Variants in GRM4 observed in about 807,000 individuals in gnomAD.
The protein encoded by GRM4 is glutamate metabotropic receptor 4, also known as metabotropic glutamate receptor 4.
Under a neutral mutation model 81.7 loss-of-function variants are expected in GRM4, and 28 were observed. The ratio of observed to expected loss-of-function variants is 0.34; its 90% CI spans 0.25 to 0.47. The LOEUF (loss-of-function observed/expected upper bound fraction) is 0.47. GRM4 is among the 20% of genes least tolerant of loss of function. The pLI is 1.00. For missense variants in GRM4, 948 were observed against 1,290.0 expected, an observed-to-expected ratio of 0.73 and a Z score of 4.06; for synonymous variants, 488 against 528.8, an observed-to-expected ratio of 0.92 and a Z score of 1.06.
intron 6 of GRM4, among the ~76,000 whole-genome samples, chr6:34,044,939 CACAT>C (rs1429505875): frequency 5.3e-5 from 8 of 151,562 alleles, no homozygotes; most frequent in African/African-American, 2.0e-4. Context: ...GACACACACA[CACAT>C]AGACATACAT....
intron 2 of GRM4, among the ~76,000 whole-genome samples, chr6:34,105,199 T>C (rs1005691606): frequency 6.6e-6 from 1 of 152,128 alleles, no homozygotes; most frequent in African/African-American, 2.4e-5. Flanking sequence ...TTCCACATAA[T>C]TTATATCACA....
intron 10 of GRM4, chr6:34,024,800 A>T (rs1764052396): frequency 2.2e-6 from 1 of 454,666 alleles, no homozygotes; most frequent in South Asian, 1.5e-5. Flanking sequence ...TGCTACCTGG[A>T]CAGGTGCCAA....
intron 6 of GRM4, among the ~76,000 whole-genome samples, chr6:34,041,348 C>T (rs1188815516): frequency 6.6e-6 from 1 of 152,194 alleles, no homozygotes; most frequent in Non-Finnish European, 1.5e-5. Flanking sequence ...TCACCATTGC[C>T]CCATCCATCC....
intron 1 of GRM4, among the ~76,000 whole-genome samples, chr6:34,135,232 A>G (rs1024084535): frequency 6.6e-6 from 1 of 152,094 alleles, no homozygotes; most frequent in African/African-American, 2.4e-5. Flanking sequence ...TGACTGCTCC[A>G]GTTCTGGGCC....
Position 34,078,306 on chromosome 6 carries a change from G to C in GRM4, c.736+13577C>G, listed in dbSNP as rs371815765. Among the ~76,000 whole-genome samples the C allele has an allele frequency of 6.6e-6, 1 of 151,786 alleles. No homozygotes were observed. The highest frequency in any genetic ancestry group is 1.5e-5 in the Non-Finnish European group (1 of 67,980). On this transcript the variant is annotated intron_variant, in intron 3 of 10. Transcript: ENST00000538487. This position sits in a 1 kb window ranked among gnomAD's most constrained non-coding sequence, Gnocchi z 4.8. ...CTCCCCCCAAATACACACTCTCTTCGATCATTGCACAGCCCCTCATGTTCA... is the reference window on the plus strand; with the variant it reads ...CTCCCCCCAAATACACACTCTCTTCCATCATTGCACAGCCCCTCATGTTCA...
At chr6:34,125,012 C>T (rs1374025042) in intron 2 of GRM4, among the ~76,000 whole-genome samples, 1 of 152,048 alleles carries the variant, frequency 6.6e-6, no homozygotes, top group Non-Finnish European at 1.5e-5. Flanking sequence ...CTCGCTCTGT[C>T]GCCCAGGCTG....
chr6:34,130,046 T>C lies in GRM4; in HGVS notation c.519+2932A>G, dbSNP rs34660951. ...GGTGCCCTTTGAAATGGACACCTGG[T>C]GGTGGGCGCAGGTCCCCTCCCCCAA... On this transcript the variant is annotated intron_variant, in intron 2 of 10. Transcript: ENST00000538487. This position sits in a 1 kb window ranked among gnomAD's most constrained non-coding sequence, Gnocchi z 4.1. Among the ~76,000 whole-genome samples the C allele has an allele frequency of 0.11, 16,595 of 152,090 alleles. 1,763 individuals carry two copies. The highest frequency in any genetic ancestry group is 0.27 in the African/African-American group (11,293 of 41,452).
At chr6:34,052,391 C>T (rs141649210) in intron 6 of GRM4, among the ~76,000 whole-genome samples, 2 of 152,348 alleles carry the variant, frequency 1.3e-5, no homozygotes, top group African/African-American at 2.4e-5. Flanking sequence ...AACTCCACTT[C>T]AGACAGCATT....
chr6:34,119,601 C>T (rs1769723004), intron 2 of GRM4, among the ~76,000 whole-genome samples: 1 of 152,212 alleles, frequency 6.6e-6, no homozygotes. Context: ...TGCCCTTTGA[C>T]CAAGCCCTCT....
chr6:34,069,202 A>ACACACACACG lies in GRM4; in HGVS notation c.737-7175_737-7174insCGTGTGTGTG, dbSNP rs1316022947. 1.9e-3 allele frequency among the ~76,000 whole-genome samples: 275 copies of ACACACACACG among 142,258 alleles called. 1 individual carries two copies. The highest frequency in any genetic ancestry group is 7.5e-3 in the African/African-American group (263 of 35,054). The allele number at this position is 142,258 out of a possible 152,430, so 93.3% of individuals were successfully genotyped here. A position where few individuals can be genotyped will look rare whatever the true frequency, so the allele number is the denominator to read the frequency against. Reference sequence around the variant, plus strand: ...CACACACACACACACACACACACACACACGCACGCACACACGGCTCCTTCC... The same window carrying ACACACACACG: ...CACACACACACACACACACACACACACACACACACGCACGCACGCACACACGGCTCCTTCC... On this transcript the variant is annotated intron_variant, in intron 3 of 10. Coordinates refer to ENST00000538487, the MANE Select transcript of GRM4 (RefSeq NM_000841.4). This position sits in a 1 kb window ranked among gnomAD's most constrained non-coding sequence, Gnocchi z 6.4.
Position 34,058,999 on chromosome 6 carries a change from G to A in GRM4, c.1002C>T (p.Ile334=), listed in dbSNP as rs756510541. 2.5e-6 allele frequency: 4 copies of A among 1,613,354 alleles called. No individual in the cohort carries two copies. The Admixed American group carries it at 5.0e-5, about 20-fold the overall frequency. Reference sequence around the variant, plus strand: ...CTCGTACGGACATCCTCTTGGGGAGGATCGTGACAGCACCCTCAGCCACCT... The same window carrying A: ...CTCGTACGGACATCCTCTTGGGGAGAATCGTGACAGCACCCTCAGCCACCT... The part of the protein sequence containing the change: ...LEEVAEGAVT[I]LPKRMSVRGF... The change falls in exon 5 of 11, where the codon ATC becomes ATT. Residue 334 remains isoleucine (I), a synonymous_variant. Coordinates refer to ENST00000538487, the MANE Select transcript of GRM4 (RefSeq NM_000841.4).
chr6:34,034,798 G>T lies in GRM4; in HGVS notation c.2442+870C>A, dbSNP rs1294377912. ...ATCCCACACTTATACATGGCACTCA[G>T]ACCAAGACCTGGGTCCTTGGTGCAC... On this transcript the variant is annotated intron_variant, in intron 9 of 10. Transcript: ENST00000538487. The surrounding 1 kb of genome is among the most constrained non-coding windows in gnomAD (Gnocchi z 4.0). Among the ~76,000 whole-genome samples, 7 of 152,246 alleles carry T rather than the reference G, an allele frequency of 4.6e-5. No homozygotes were observed. Among genetic ancestry groups the T allele is most frequent in the Admixed American group, 3.3e-4 (5 of 15,284 alleles).
intron 3 of GRM4, among the ~76,000 whole-genome samples, chr6:34,072,876 C>A (rs1332306363): frequency 1.4e-5 from 1 of 71,144 alleles, no homozygotes. Context: ...CAGATGCACA[C>A]CCACACATCA....
rs762576806 is a variant in GRM4 at position 34,133,363 on chromosome 6, A to G, written c.134T>C (p.Ile45Thr). The G allele has an allele frequency of 1.9e-6, 3 of 1,613,854 alleles. No individual in the cohort carries two copies. The African/African-American group carries it at 4.0e-5, about 22-fold the overall frequency. Residue 45 changes from isoleucine to threonine, a missense_variant, in exon 2 of 11, where the codon ATA (isoleucine) becomes ACA (threonine). Physicochemically the swap from Ile to Thr is moderately conservative, Grantham distance 89 (BLOSUM62 -1). Transcript: ENST00000538487. The surrounding 1 kb of genome is among the most constrained non-coding windows in gnomAD (Gnocchi z 6.5). ...GCCTCCCAGTGTGATGTCCCCATCTATGCGGATGGAATTCATGTGAGGGTG... is the reference window on the plus strand; with the variant it reads ...GCCTCCCAGTGTGATGTCCCCATCTGTGCGGATGGAATTCATGTGAGGGTG... Reference protein sequence around the residue: ...KGHPHMNSIRIDGDITLGGLF... With the variant: ...KGHPHMNSIRTDGDITLGGLF...
intron 2 of GRM4, among the ~76,000 whole-genome samples, chr6:34,104,127 T>A (rs1174447323): frequency 6.6e-6 from 1 of 152,222 alleles, no homozygotes; most frequent in East Asian, 1.9e-4. Context: ...TGTGCCACAG[T>A]GCTGTCTGTG....
chr6:34,066,732 T>A (rs1215893368), intron 3 of GRM4, among the ~76,000 whole-genome samples: 1 of 152,090 alleles, frequency 6.6e-6, no homozygotes, highest in African/African-American at 2.4e-5. Flanking sequence ...ATCCATGTTT[T>A]ATTTCTTTAA....
chr6:34,100,006 A>G, intron 2 of GRM4: 2 of 959,568 alleles, frequency 2.1e-6, no homozygotes, highest in Non-Finnish European at 2.5e-6. Flanking sequence ...TCAGGACTTG[A>G]CTCCCTCATT....
chr6:34,117,127 G>A (rs1769631796), intron 2 of GRM4, among the ~76,000 whole-genome samples: 1 of 152,206 alleles, frequency 6.6e-6, no homozygotes, highest in East Asian at 1.9e-4. Flanking sequence ...CCTGAAATTT[G>A]TGTATCTTAC....
chr6:34,088,106 T>C (rs2499709), intron 3 of GRM4, among the ~76,000 whole-genome samples: 148,115 of 152,194 alleles, frequency 0.97, 72,113 homozygotes, highest in East Asian at 1. Flanking sequence ...CTCCCGCCTG[T>C]ATGTGCCAGG....
Sources: allele counts gnomAD v4.1 joint callset (sites outside exome capture counted in the v4.1 genomes callset), GRCh38; gene constraint gnomAD v4.1.1; non-coding constraint Gnocchi (gnomAD v3.1); transcripts MANE v1.5; gene names NCBI Gene and HGNC (gene_info 2026-07-23, HGNC 2026-07-21).